RERE: variants seen among roughly 807,000 people sequenced by gnomAD.
RERE encodes the protein arginine-glutamic acid dipeptide repeats.
RERE carries 40 observed loss-of-function variants against 146.1 expected under a neutral mutation model. The observed-to-expected ratio is 0.27, with a 90% CI of 0.21 to 0.36. RERE has a LOEUF of 0.36. Among genes scored for constraint, RERE ranks in the 10% least tolerant of loss-of-function variants. The pLI is 1.00. For synonymous variants in RERE, 1,003 were observed against 866.0 expected (o/e 1.16, Z -2.78); for missense variants, 1,933 against 2,138.7 (o/e 0.90, Z 1.90).
intron 4 of RERE, among the ~76,000 whole-genome samples, chr1:8,568,565 A>C (rs965927286): frequency 2.0e-5 from 3 of 152,158 alleles, no homozygotes; most frequent in South Asian, 2.1e-4. Flanking sequence ...CTCTTATAAA[A>C]ACCAGGTTGG....
At chr1:8,457,599 ATATT>A (rs925793782) in intron 11 of RERE, among the ~76,000 whole-genome samples, 21 of 151,946 alleles carry the variant, frequency 1.4e-4, no homozygotes, top group African/African-American at 5.1e-4. Flanking sequence ...CTTACTTTAT[ATATT>A]TATTTATTTA....
At chr1:8,664,170 A>T (rs1368963656) in intron 1 of RERE, among the ~76,000 whole-genome samples, 1 of 152,172 alleles carries the variant, frequency 6.6e-6, no homozygotes, top group Admixed American at 6.5e-5. Context: ...AATTCAGGAG[A>T]GCATTTTCCT....
At chr1:8,484,678 C>A (rs1392335807) in intron 10 of RERE, among the ~76,000 whole-genome samples, 1 of 152,170 alleles carries the variant, frequency 6.6e-6, no homozygotes, top group East Asian at 1.9e-4. Context: ...CCACCTTGGC[C>A]TCCCAATGTG....
chr1:8,559,280 C>CAAAAAAAAA lies in RERE; in HGVS notation c.523-1766_523-1758dup, dbSNP rs548075266. ...GGGCAACAAGAGCAAAACTCCAGCT[C>CAAAAAAAAA]AAAAAAAAAAAAAAAAAAAAAAAAC... On this transcript the variant is annotated intron_variant, in intron 4 of 22. Transcript: ENST00000400908. 1.4e-3 allele frequency among the ~76,000 whole-genome samples: 17 copies of CAAAAAAAAA among 12,072 alleles called. 1 individual carries two copies. Among genetic ancestry groups the CAAAAAAAAA allele is most frequent in the Admixed American group, 4.1e-3 (3 of 726 alleles). 7.9% of individuals were successfully genotyped at this position (12,072 alleles called of 152,430 possible). A position where few individuals can be genotyped will look rare whatever the true frequency, so the allele number is the denominator to read the frequency against.
At chr1:8,803,676 C>A (rs144362721) in intron 1 of RERE, among the ~76,000 whole-genome samples, 6 of 152,028 alleles carry the variant, frequency 3.9e-5, no homozygotes, top group Non-Finnish European at 5.9e-5. Flanking sequence ...AATTCTCCCC[C>A]CTCAGCATCG....
At chr1:8,387,582 GA>G (rs1375549320) in intron 12 of RERE, among the ~76,000 whole-genome samples, 6 of 152,072 alleles carry the variant, frequency 3.9e-5, no homozygotes, top group Admixed American at 1.3e-4. Flanking sequence ...TGAGTATCTA[GA>G]ACTCTTACAA....
intron 1 of RERE, among the ~76,000 whole-genome samples, chr1:8,722,009 C>G (rs933088218): frequency 1.3e-5 from 2 of 152,204 alleles, no homozygotes; most frequent in African/African-American, 4.8e-5. Flanking sequence ...GGGAAGTCTA[C>G]TGGTGCTTTT....
intron 3 of RERE, among the ~76,000 whole-genome samples, chr1:8,618,739 C>T (rs552574240): frequency 6.6e-6 from 1 of 152,234 alleles, no homozygotes; most frequent in South Asian, 2.1e-4. Context: ...ATGATATCTC[C>T]CAGCATCATC....
chr1:8,723,605 C>T (rs946893012), intron 1 of RERE, among the ~76,000 whole-genome samples: 1 of 152,110 alleles, frequency 6.6e-6, no homozygotes, highest in Non-Finnish European at 1.5e-5. Flanking sequence ...TTGTCTTAGG[C>T]AGGCTCAACA....
intron 1 of RERE, among the ~76,000 whole-genome samples, chr1:8,793,628 T>G (rs1331166344): frequency 3.3e-5 from 5 of 152,154 alleles, no homozygotes; most frequent in African/African-American, 1.2e-4. Context: ...TAAATTATAT[T>G]AACTTCTCAT....
At chr1:8,714,348 A>G (rs1293094743) in intron 1 of RERE, among the ~76,000 whole-genome samples, 2 of 152,202 alleles carry the variant, frequency 1.3e-5, no homozygotes, top group Non-Finnish European at 2.9e-5. Flanking sequence ...ACTGGCTTTC[A>G]GTTGAGTGTA....
At chr1:8,451,753 C>G (rs1644393611) in intron 11 of RERE, among the ~76,000 whole-genome samples, 1 of 152,144 alleles carries the variant, frequency 6.6e-6, no homozygotes, top group Non-Finnish European at 1.5e-5. Flanking sequence ...GGATTCTGCT[C>G]TGACTTGCTG....
At chr1:8,643,504 AG>A (rs1184977516) in intron 2 of RERE, among the ~76,000 whole-genome samples, 1 of 152,252 alleles carries the variant, frequency 6.6e-6, no homozygotes, top group Non-Finnish European at 1.5e-5. Flanking sequence ...CGTAAAATAC[AG>A]GGTAAAAAGC....
chr1:8,740,697 A>AAC (rs376515671), intron 1 of RERE, among the ~76,000 whole-genome samples: 64 of 152,308 alleles, frequency 4.2e-4, no homozygotes, highest in African/African-American at 1.5e-3. Context: ...GTTGAAAACT[A>AAC]ACACACACAC....
chr1:8,529,487 A>G (rs1389653376), intron 7 of RERE, among the ~76,000 whole-genome samples: 1 of 150,838 alleles, frequency 6.6e-6, no homozygotes, highest in African/African-American at 2.4e-5. Flanking sequence ...TTTTTAGCAG[A>G]GACAGGGTTT....
rs553474363 is a variant in RERE at position 8,415,506 on chromosome 1, A to T, written c.1284+7221T>A. ...GTAATACATTTCAAATAATTAAAGC[A>T]TTCTCATGCCATCCCCACTAGTTTT... On this transcript the variant is annotated intron_variant, in intron 12 of 22. Coordinates refer to ENST00000400908, the MANE Select transcript of RERE (RefSeq NM_001042681.2). 7.5e-4 allele frequency among the ~76,000 whole-genome samples: 114 copies of T among 152,372 alleles called. 1 individual carries two copies. The highest frequency in any genetic ancestry group is 2.6e-3 in the African/African-American group (109 of 41,592).
At chr1:8,722,953 TA>T (rs1289665834) in intron 1 of RERE, among the ~76,000 whole-genome samples, 1 of 152,182 alleles carries the variant, frequency 6.6e-6, no homozygotes, top group Non-Finnish European at 1.5e-5. Context: ...TACCTCAAAA[TA>T]AAAAGCTATT....
chr1:8,663,969 C>A (rs1638513107), intron 1 of RERE, among the ~76,000 whole-genome samples: 1 of 152,174 alleles, frequency 6.6e-6, no homozygotes, highest in Admixed American at 6.5e-5. Context: ...CCCAGACCTA[C>A]CCAGAGTCCA....
intron 11 of RERE, among the ~76,000 whole-genome samples, chr1:8,426,290 T>TA (rs1175954983): frequency 1.3e-5 from 2 of 151,742 alleles, no homozygotes; most frequent in Non-Finnish European, 2.9e-5. Context: ...CCGTCTCTAC[T>TA]AAAAATACAA....
Sources: allele counts gnomAD v4.1 joint callset (sites outside exome capture counted in the v4.1 genomes callset), GRCh38; gene constraint gnomAD v4.1.1; transcripts MANE v1.5; gene names NCBI Gene and HGNC (gene_info 2026-07-23, HGNC 2026-07-21).